The following RAB11FIP4 variants were observed in gnomAD, a reference collection of about 807,000 sequenced individuals.
RAB11FIP4 encodes rab11 family-interacting protein 4.
In RAB11FIP4, 23 loss-of-function variants were observed where a neutral mutation model predicts 74.3. The ratio of observed to expected loss-of-function variants is 0.31; its 90% CI spans 0.22 to 0.44. RAB11FIP4 has a LOEUF of 0.44. Ranked by LOEUF, RAB11FIP4 falls within the 20% of genes least tolerant of loss-of-function variation. The pLI is 1.00. For synonymous variants in RAB11FIP4, 360 were observed against 359.9 expected (o/e 1.00, Z 0.00); for missense variants, 630 against 863.9 (o/e 0.73, Z 3.39).
chr17:31,464,749 CTTTTT>C (rs58083480), intron 3 of RAB11FIP4, among the ~76,000 whole-genome samples: 9 of 39,640 alleles, frequency 2.3e-4, no homozygotes, highest in East Asian at 1.1e-3. Flanking sequence ...CTGTGCCCGG[CTTTTT>C]TTTTTTTTTT....
At position 31,530,321 on chromosome 17, in the gene RAB11FIP4, T is replaced by C. The variant is rs2072846118; in HGVS notation, c.1654-5T>C. 1 of 1,613,990 alleles carries C rather than the reference T, an allele frequency of 6.2e-7. No homozygotes were observed. Among genetic ancestry groups the C allele is most frequent in the Non-Finnish European group, 8.5e-7 (1 of 1,179,928 alleles). On this transcript the variant is annotated splice_region_variant and splice_polypyrimidine_tract_variant and intron_variant, in intron 13 of 14. Transcript: ENST00000621161. ...TTGATGTCGCCTTCGTCCTTCTCTC[T>C]GTAGGAGAATTATAAGCTGCGGGAT...
chr17:31,520,514 T>C (rs2072642682), intron 4 of RAB11FIP4, among the ~76,000 whole-genome samples: 1 of 152,214 alleles, frequency 6.6e-6, no homozygotes, highest in Non-Finnish European at 1.5e-5. Context: ...TTTTTTTGTT[T>C]TTGTTTTTTT....
At chr17:31,502,968 T>C (rs1329563738) in intron 3 of RAB11FIP4, among the ~76,000 whole-genome samples, 2 of 152,206 alleles carry the variant, frequency 1.3e-5, no homozygotes, top group African/African-American at 4.8e-5. Flanking sequence ...ACCAGTCACA[T>C]TGCGTTAGGG....
intron 1 of RAB11FIP4, among the ~76,000 whole-genome samples, chr17:31,428,977 TGATTATTATTATTATTTGA>T (rs1200653787): frequency 6.6e-6 from 1 of 151,930 alleles, no homozygotes; most frequent in Non-Finnish European, 1.5e-5. Flanking sequence ...ATGATGATGA[TGATTATTATTATTATTTGA>T]GACGGAGTTT....
At chr17:31,469,328 GCTATGAGAAAA>G (rs2071716349) in intron 3 of RAB11FIP4, among the ~76,000 whole-genome samples, 2 of 152,066 alleles carry the variant, frequency 1.3e-5, no homozygotes, top group Non-Finnish European at 2.9e-5. Context: ...GAGGACAGGT[GCTATGAGAAAA>G]CAAGGCAAGG....
At position 31,532,578 on chromosome 17, in the gene RAB11FIP4, A is replaced by G. The variant is rs553345900; in HGVS notation, c.*846A>G. ...GAGTTGACATCGGGCAACCAAAGAA[A>G]TGAGTTTTGGGGAGGAACACAACTC... On this transcript the variant is annotated 3_prime_UTR_variant, in exon 15 of 15. Transcript: ENST00000621161. The G allele has an allele frequency of 6.6e-6, 1 of 152,592 alleles. No individual in the cohort carries two copies. The highest frequency in any genetic ancestry group is 1.9e-4 in the East Asian group (1 of 5,186). The allele number at this position is 152,592 out of a possible 1,614,324, so 9.5% of individuals were successfully genotyped here. A position where few individuals can be genotyped will look rare whatever the true frequency, so the allele number is the denominator to read the frequency against.
chr17:31,500,458 T>C (rs954403126), intron 3 of RAB11FIP4, among the ~76,000 whole-genome samples: 2 of 152,206 alleles, frequency 1.3e-5, no homozygotes, highest in African/African-American at 4.8e-5. Flanking sequence ...AATATCTTGT[T>C]CAGTTACTGA....
At chr17:31,449,011 G>T (rs554426980) in intron 3 of RAB11FIP4, among the ~76,000 whole-genome samples, 1 of 152,212 alleles carries the variant, frequency 6.6e-6, no homozygotes, top group East Asian at 1.9e-4. Context: ...GAGGAGACAG[G>T]TCCCCCAGTC....
rs540786791 is a variant in RAB11FIP4 at position 31,421,768 on chromosome 17, G to A, written c.160-10045G>A. 5.0e-3 allele frequency among the ~76,000 whole-genome samples: 723 copies of A among 145,840 alleles called. 6 individuals are homozygous for A. The highest frequency in any genetic ancestry group is 0.021 in the Middle Eastern group (5 of 234). On this transcript the variant is annotated intron_variant, in intron 1 of 14. Coordinates refer to ENST00000621161, the MANE Select transcript of RAB11FIP4 (RefSeq NM_032932.6). The stretch of plus-strand genomic sequence containing the variant: ...GGGATGGGGTTTCACTATGTTGGCC[G>A]GGCTGGTCTCAAACTCCTGACCTCA...
rs958879422 is a variant in RAB11FIP4, at chr17:31,391,807, G to A, written c.-46G>A. Reference sequence around the variant, plus strand: ...GCGATGGCGGCGGCGGGCAGGCGGCGGGCGCGGCGGGCGAGGGGTCCGGGC... The same window carrying A: ...GCGATGGCGGCGGCGGGCAGGCGGCAGGCGCGGCGGGCGAGGGGTCCGGGC... On this transcript the variant is annotated 5_prime_UTR_variant, in exon 1 of 15. Transcript: ENST00000621161. The A allele has an allele frequency of 2.0e-6, 2 of 980,172 alleles. No homozygotes were observed. Among genetic ancestry groups the A allele is most frequent in the Non-Finnish European group, 2.4e-6 (2 of 827,464 alleles). 60.7% of individuals were successfully genotyped at this position (980,172 alleles called of 1,614,324 possible).
At chr17:31,400,340 A>G (rs1315459295) in intron 1 of RAB11FIP4, among the ~76,000 whole-genome samples, 1 of 152,246 alleles carries the variant, frequency 6.6e-6, no homozygotes, top group Non-Finnish European at 1.5e-5. Context: ...AACGTGGTCC[A>G]GGCAGAGGCA....
chr17:31,500,667 T>C (rs916685309), intron 3 of RAB11FIP4, among the ~76,000 whole-genome samples: 1 of 152,232 alleles, frequency 6.6e-6, no homozygotes. Flanking sequence ...CTAACGTCTC[T>C]GAACTGTGCA....
chr17:31,464,328 G>A (rs967119587), intron 3 of RAB11FIP4, among the ~76,000 whole-genome samples: 2 of 151,992 alleles, frequency 1.3e-5, no homozygotes. Context: ...AGCTGTTACT[G>A]TCATGGTTAT....
chr17:31,528,757 C>T lies in RAB11FIP4; in HGVS notation c.1632C>T (p.His544=), dbSNP rs367880251. Residue 544 remains histidine, a synonymous_variant, in exon 13 of 15, where the codon CAC becomes CAT. Transcript: ENST00000621161. The stretch of plus-strand genomic sequence containing the variant: ...GGGCCCGCGAGGTGGAGCTCGAGCA[C>T]GAGGTCAAGCGGCTCAAGCAGGTGG... The part of the protein sequence containing the change: ...NARAREVELE[H]EVKRLKQENY... 69 of 1,609,768 alleles carry T rather than the reference C, an allele frequency of 4.3e-5. No individual in the cohort carries two copies. The highest frequency in any genetic ancestry group is 4.7e-5 in the Non-Finnish European group (56 of 1,179,044).
intron 3 of RAB11FIP4, among the ~76,000 whole-genome samples, chr17:31,472,644 C>A (rs564374626): frequency 6.6e-6 from 1 of 152,062 alleles, no homozygotes; most frequent in Non-Finnish European, 1.5e-5. Flanking sequence ...ATCAAGAAGG[C>A]GAAGCAGAAG....
chr17:31,455,822 A>G (rs1487042299), intron 3 of RAB11FIP4, among the ~76,000 whole-genome samples: 1 of 152,192 alleles, frequency 6.6e-6, no homozygotes, highest in Non-Finnish European at 1.5e-5. Context: ...GATGGGTACC[A>G]GGCAGGAGGC....
At chr17:31,494,618 C>CT (rs564414024) in intron 3 of RAB11FIP4, among the ~76,000 whole-genome samples, 256 of 151,188 alleles carry the variant, frequency 1.7e-3, no homozygotes, top group African/African-American at 5.6e-3. Context: ...GTTTTTAAAT[C>CT]TTTTTTTTCA....
In RAB11FIP4 at chr17:31,534,233, T is replaced by G. The variant is rs2072921226; in HGVS notation, c.*2501T>G. ...TTAAGTTTGAATTTCAGATAGAAAA[T>G]AATTTTAGAATAAATATGTTCTATC... On this transcript the variant is annotated 3_prime_UTR_variant, in exon 15 of 15. Transcript: ENST00000621161. 6.6e-6 allele frequency: 1 copy of G among 152,148 alleles called. No homozygotes were observed. The highest frequency in any genetic ancestry group is 2.1e-4 in the South Asian group (1 of 4,838). The allele number at this position is 152,148 out of a possible 1,614,324, so 9.4% of individuals were successfully genotyped here. A position where few individuals can be genotyped will look rare whatever the true frequency, so the allele number is the denominator to read the frequency against.
chr17:31,410,492 T>A (rs1003852897), intron 1 of RAB11FIP4, among the ~76,000 whole-genome samples: 5 of 152,158 alleles, frequency 3.3e-5, no homozygotes, highest in Admixed American at 2.0e-4. Context: ...GGTGGGCGGA[T>A]CACTTGAGGC....
Sources: allele counts gnomAD v4.1 joint callset (sites outside exome capture counted in the v4.1 genomes callset), GRCh38; gene constraint gnomAD v4.1.1; transcripts MANE v1.5; gene names NCBI Gene and HGNC (gene_info 2026-07-23, HGNC 2026-07-21).